Variants in ZNF322 observed in about 807,000 individuals in gnomAD.
The protein encoded by ZNF322 is HLA complex group 12.
In ZNF322, 1 loss-of-function variant was observed where a neutral mutation model predicts 18.3. The observed-to-expected ratio is 0.05, with a 90% CI of 0.02 to 0.26. ZNF322 has a LOEUF of 0.26. Among genes scored for constraint, ZNF322 ranks in the 10% least tolerant of loss-of-function variants. ZNF322 has a pLI of 1.00. For missense variants in ZNF322, 36 were observed against 403.6 expected, an observed-to-expected ratio of 0.09 and a Z score of 7.80; for synonymous variants, 17 against 130.7, an observed-to-expected ratio of 0.13 and a Z score of 5.93.
At chr6:26,655,677 G>A (rs1054606032) in intron 2 of ZNF322, among the ~76,000 whole-genome samples, 13 of 152,220 alleles carry the variant, frequency 8.5e-5, no homozygotes, top group South Asian at 2.1e-4. Context: ...CAATGATGTC[G>A]GGAAACAGAT....
intron 1 of ZNF322, among the ~76,000 whole-genome samples, chr6:26,659,134 A>G (rs1765835730): frequency 6.6e-6 from 1 of 152,248 alleles, no homozygotes; most frequent in South Asian, 2.1e-4. Flanking sequence ...ACTGCAACAT[A>G]ACTAATTTCT....
At chr6:26,648,387 G>A (rs1008823452) in intron 2 of ZNF322, among the ~76,000 whole-genome samples, 2 of 152,056 alleles carry the variant, frequency 1.3e-5, no homozygotes, top group Admixed American at 6.5e-5. Context: ...TTTTTACTAA[G>A]ATCAGGAACA....
At chr6:26,658,777 C>T (rs568943714) in intron 1 of ZNF322, 131 bp from the exon 2 acceptor site, 1 of 152,888 alleles carries the variant, frequency 6.5e-6, no homozygotes, top group South Asian at 2.1e-4. Flanking sequence ...CATAGCTTAC[C>T]TCTTCCCATC....
Position 26,635,095 on chromosome 6 carries a change from C to T in ZNF322, c.*2250G>A, listed in dbSNP as rs1765331244. On this transcript the variant is annotated 3_prime_UTR_variant, in exon 4 of 4. Transcript: ENST00000415922. Reference sequence around the variant, plus strand: ...AAAGAAAAAAAAATACCCTAGAATCCTTATTATCACTATGAGCTATATTCA... The same window carrying T: ...AAAGAAAAAAAAATACCCTAGAATCTTTATTATCACTATGAGCTATATTCA... 6.8e-6 allele frequency: 1 copy of T among 147,100 alleles called. No homozygotes were observed. Among genetic ancestry groups the T allele is most frequent in the South Asian group, 2.2e-4 (1 of 4,510 alleles). The allele number at this position is 147,100 out of a possible 1,614,324, so 9.1% of individuals were successfully genotyped here.
At chr6:26,645,581 A>G (rs1312699792) in intron 2 of ZNF322, among the ~76,000 whole-genome samples, 11 of 152,320 alleles carry the variant, frequency 7.2e-5, no homozygotes, top group African/African-American at 2.4e-4. Flanking sequence ...TATTGTATTT[A>G]TGGCAGGTGA....
intron 3 of ZNF322, among the ~76,000 whole-genome samples, chr6:26,639,331 GTTA>G (rs1483664594): frequency 2.0e-5 from 3 of 152,092 alleles, no homozygotes; most frequent in Admixed American, 2.0e-4. Flanking sequence ...TACTATCACT[GTTA>G]TTATGACAAA....
chr6:26,650,443 T>G (rs938240885), intron 2 of ZNF322: 1 of 152,008 alleles, frequency 6.6e-6, no homozygotes, highest in African/African-American at 2.4e-5. Flanking sequence ...AGAGAGATAA[T>G]GCTACAAGAC....
chr6:26,646,345 CTAAAAATAAGGAGG>C (rs1331058879), intron 2 of ZNF322, among the ~76,000 whole-genome samples: 1 of 151,868 alleles, frequency 6.6e-6, no homozygotes, highest in Non-Finnish European at 1.5e-5. Flanking sequence ...TTCAGGCAGG[CTAAAAATAAGGAGG>C]TGGGAAAAGG....
At chr6:26,642,158 C>G (rs977670503) in intron 3 of ZNF322, among the ~76,000 whole-genome samples, 1 of 152,180 alleles carries the variant, frequency 6.6e-6, no homozygotes, top group Non-Finnish European at 1.5e-5. Flanking sequence ...GGCCTATGTG[C>G]ACATCCAGGC....
At chr6:26,657,434 G>T (rs921421027) in intron 2 of ZNF322, among the ~76,000 whole-genome samples, 1 of 152,030 alleles carries the variant, frequency 6.6e-6, no homozygotes, top group African/African-American at 2.4e-5. Flanking sequence ...TCCCCATGCA[G>T]CTTACTCCTT....
At position 26,658,615 on chromosome 6, in the gene ZNF322, G is replaced by C. The variant is rs1271481897; in HGVS notation, c.-303C>G. On this transcript the variant is annotated 5_prime_UTR_variant, in exon 2 of 4. Coordinates refer to ENST00000415922, the MANE Select transcript of ZNF322 (RefSeq NM_024639.5). ...TTGGTTTCAAAAGGTCTCTAGTTCA[G>C]AACTATTCACAACACTCAATTCTTG... 2 of 166,614 alleles carry C rather than the reference G, an allele frequency of 1.2e-5. No homozygotes were observed. The highest frequency in any genetic ancestry group is 4.8e-5 in the African/African-American group (2 of 41,388). The allele number at this position is 166,614 out of a possible 1,614,324, so 10.3% of individuals were successfully genotyped here. A position where few individuals can be genotyped will look rare whatever the true frequency, so the allele number is the denominator to read the frequency against.
chr6:26,644,737 G>GT (rs1765526005), intron 2 of ZNF322, among the ~76,000 whole-genome samples: 2 of 152,138 alleles, frequency 1.3e-5, no homozygotes, highest in South Asian at 4.1e-4. Flanking sequence ...GTTGTAAAAC[G>GT]TAATTGTCAA....
chr6:26,639,660 G>C (rs1765432669), intron 3 of ZNF322, among the ~76,000 whole-genome samples: 1 of 151,920 alleles, frequency 6.6e-6, no homozygotes, highest in South Asian at 2.1e-4. Context: ...AGAAATAAAA[G>C]GAAGAAAAAA....
At chr6:26,646,786 G>A (rs995125457) in intron 2 of ZNF322, among the ~76,000 whole-genome samples, 7 of 151,940 alleles carry the variant, frequency 4.6e-5, no homozygotes, top group African/African-American at 7.3e-5. Context: ...CATCATTATC[G>A]CAAAGAAACA....
intron 2 of ZNF322, among the ~76,000 whole-genome samples, chr6:26,654,989 A>T (rs1375871588): frequency 6.6e-6 from 1 of 152,216 alleles, no homozygotes; most frequent in East Asian, 1.9e-4. Flanking sequence ...GAAAAACATA[A>T]CATCACTTCT....
At chr6:26,651,029 T>C (rs1765659224) in intron 2 of ZNF322, among the ~76,000 whole-genome samples, 1 of 152,170 alleles carries the variant, frequency 6.6e-6, no homozygotes, top group Non-Finnish European at 1.5e-5. Flanking sequence ...ACACTTACTA[T>C]ACTATTTGAA....
At chr6:26,638,772 GA>G (rs1436355533) in intron 3 of ZNF322, 44 bp from the exon 4 acceptor site, 1 of 719,602 alleles carries the variant, frequency 1.4e-6, no homozygotes, top group Non-Finnish European at 2.1e-6. Context: ...CTATGACTAA[GA>G]AAAGAATTCT....
rs184957918 is a variant in ZNF322 at position 26,653,278 on chromosome 6, G to A, written c.-246+5280C>T. On this transcript the variant is annotated intron_variant, in intron 2 of 3. Coordinates refer to ENST00000415922, the MANE Select transcript of ZNF322 (RefSeq NM_024639.5). ...AAACTCATACGTTGCTGGAGGGAAT[G>A]CATATGGGTACAATCTCGTCCGGAG... Among the ~76,000 whole-genome samples the A allele has an allele frequency of 4.4e-3, 675 of 152,296 alleles. 3 individuals carry two copies. Among genetic ancestry groups the A allele is most frequent in the Non-Finnish European group, 6.6e-3 (449 of 68,012 alleles).
At chr6:26,640,146 G>A (rs1443564965) in intron 3 of ZNF322, among the ~76,000 whole-genome samples, 2 of 152,160 alleles carry the variant, frequency 1.3e-5, no homozygotes, top group African/African-American at 2.4e-5. Context: ...TCAGGCTGTT[G>A]TCCCATTTCT....
Sources: gnomAD v4.1 joint callset for allele counts (sites outside exome capture counted in the v4.1 genomes callset) on GRCh38, gnomAD v4.1.1 for gene constraint, MANE v1.5 for transcripts, NCBI Gene and HGNC (gene_info 2026-07-23, HGNC 2026-07-21) for gene names.